Variants in CENPN observed in about 807,000 individuals in gnomAD.
CENPN encodes the protein interphase centromere complex protein 32.
Under a neutral mutation model 48.6 loss-of-function variants are expected in CENPN, and 36 were observed. That is an observed-to-expected ratio of 0.74 (90% CI 0.57 to 0.98). CENPN has a LOEUF of 0.98. Among genes scored for constraint, CENPN ranks in the 50% least tolerant of loss-of-function variants. The pLI is 0.00. For missense variants in CENPN, 439 were observed against 399.2 expected, an observed-to-expected ratio of 1.10 and a Z score of -0.85; for synonymous variants, 166 against 135.2, an observed-to-expected ratio of 1.23 and a Z score of -1.58.
rs922246675 is a variant in CENPN, at chr16:81,026,093, A to G, written c.698-433A>G. Among the ~76,000 whole-genome samples, 602 of 81,060 alleles carry G rather than the reference A, an allele frequency of 7.4e-3. 8 individuals carry two copies. The highest frequency in any genetic ancestry group is 0.058 in the Middle Eastern group (6 of 104). The allele number at this position is 81,060 out of a possible 152,430, so 53.2% of individuals were successfully genotyped here. A position where few individuals can be genotyped will look rare whatever the true frequency, so the allele number is the denominator to read the frequency against. On this transcript the variant is annotated intron_variant, in intron 8 of 10. Transcript: ENST00000305850. ...TATGTGTGTGTGTGTGTGTGTGTAT[A>G]TATATGTGTGTGTATATATATATGT...
chr16:81,011,334 T>A (rs1787920194), intron 1 of CENPN, among the ~76,000 whole-genome samples: 1 of 152,220 alleles, frequency 6.6e-6, no homozygotes, highest in African/African-American at 2.4e-5. Flanking sequence ...CACTCCTCAC[T>A]TTTAACATAG....
At chr16:81,025,257 C>G (rs1970411409) in intron 8 of CENPN, among the ~76,000 whole-genome samples, 1 of 152,150 alleles carries the variant, frequency 6.6e-6, no homozygotes, top group Admixed American at 6.6e-5. Flanking sequence ...ACTTCTAGAA[C>G]AATGAGAATC....
intron 8 of CENPN, 143 bp from the exon 9 acceptor site, chr16:81,026,383 A>C (rs985059236): frequency 9.9e-6 from 4 of 402,968 alleles, no homozygotes; most frequent in African/African-American, 8.3e-5. Flanking sequence ...CTACACTAAG[A>C]AATTATTACA....
intron 6 of CENPN, 170 bp from the exon 7 acceptor site, chr16:81,022,427 C>T (rs1970257879): frequency 1.7e-6 from 1 of 599,294 alleles, no homozygotes. Flanking sequence ...ATGCCATTAA[C>T]CACTTTGTTT....
intron 1 of CENPN, among the ~76,000 whole-genome samples, chr16:81,009,976 A>T (rs1969675536): frequency 6.6e-6 from 1 of 152,228 alleles, no homozygotes; most frequent in African/African-American, 2.4e-5. Flanking sequence ...AGGAGGGCAG[A>T]TCACTTGAGG....
At chr16:81,024,565 TCAACTCAGC>T (rs71272432) in intron 7 of CENPN, 141 bp from the exon 8 acceptor site, 5 of 505,398 alleles carry the variant, frequency 9.9e-6, no homozygotes, top group South Asian at 6.8e-5. Context: ...AGTGTCCTGC[TCAACTCAGC>T]CAACTCAGCC....
chr16:81,022,813 C>G, intron 7 of CENPN, 115 bp downstream of exon 7: 1 of 1,613,668 alleles, frequency 6.2e-7, no homozygotes, highest in Non-Finnish European at 8.5e-7. Flanking sequence ...TTAGATATTA[C>G]CGAAATGAAG....
At position 81,020,290 on chromosome 16, in the gene CENPN, T is replaced by G; in HGVS notation, c.531+14T>G. 1 of 1,604,320 alleles carries G rather than the reference T, an allele frequency of 6.2e-7. No individual in the cohort carries two copies. The highest frequency in any genetic ancestry group is 1.3e-5 in the African/African-American group (1 of 74,454). On this transcript the variant is annotated intron_variant, in intron 6 of 10. Transcript: ENST00000305850. ...CTTCTGGGTCAGGTATGGAAAAAAT[T>G]ATTACAAGCTATAATATTTTATTAT...
chr16:81,009,233 C>G (rs571200181), intron 1 of CENPN, among the ~76,000 whole-genome samples: 1 of 152,254 alleles, frequency 6.6e-6, no homozygotes, highest in South Asian at 2.1e-4. Flanking sequence ...AGGAAAAAAA[C>G]AATTAGCAGT....
At chr16:81,015,988 C>T (rs754460526) in intron 3 of CENPN, among the ~76,000 whole-genome samples, 3 of 150,178 alleles carry the variant, frequency 2.0e-5, no homozygotes, top group Non-Finnish European at 4.4e-5. Context: ...CTGGCGACAC[C>T]GTGAGACTCT....
intron 1 of CENPN, among the ~76,000 whole-genome samples, chr16:81,008,975 G>A (rs1597303152): frequency 6.6e-6 from 1 of 152,370 alleles, no homozygotes; most frequent in Non-Finnish European, 1.5e-5. Context: ...GGGAGGCCGA[G>A]GCGGGAGGAT....
chr16:81,023,252 C>G lies in CENPN; in HGVS notation c.633+554C>G, dbSNP rs191627465. 3 of 233,198 alleles carry G rather than the reference C, an allele frequency of 1.3e-5. No individual in the cohort carries two copies. The South Asian group carries it at 1.7e-4, about 13-fold the overall frequency. The allele number at this position is 233,198 out of a possible 1,614,324, so 14.4% of individuals were successfully genotyped here. A position where few individuals can be genotyped will look rare whatever the true frequency, so the allele number is the denominator to read the frequency against. On this transcript the variant is annotated intron_variant, in intron 7 of 10. Coordinates refer to ENST00000305850, the MANE Select transcript of CENPN (RefSeq NM_001100624.3). ...GCAGATGTCTGCATATGTGTTGACA[C>G]TCCTGTGAGTGGATTGTTAATGCTC...
chr16:81,031,523 A>G (rs185023350), downstream of CENPN: 1 of 152,248 alleles, frequency 6.6e-6, no homozygotes, highest in Admixed American at 6.5e-5. Flanking sequence ...ATGACATTAA[A>G]TGGTGTCAGA....
downstream of CENPN, among the ~76,000 whole-genome samples, chr16:81,032,285 T>A (rs531858663): frequency 6.2e-4 from 95 of 152,318 alleles, no homozygotes; most frequent in Middle Eastern, 3.4e-3. Context: ...CCCCTCAGGC[T>A]CATTCAGATT....
At chr16:81,032,893 C>G (rs1475365281), downstream of CENPN, 2 of 495,052 alleles carry the variant, frequency 4.0e-6, no homozygotes, top group East Asian at 3.4e-5. Context: ...ACTCTAGACA[C>G]AGGTGCTTCT....
Position 81,029,302 on chromosome 16 carries a change from CAAA to C in CENPN, c.*655_*657del, listed in dbSNP as rs1008574992. On this transcript the variant is annotated 3_prime_UTR_variant, in exon 11 of 11. Coordinates refer to ENST00000305850, the MANE Select transcript of CENPN (RefSeq NM_001100624.3). ...TATATTGACTTATGAATAAAGGTGT[CAAA>C]AAACTGGCACATCAGTTAATTTTGA... The C allele has an allele frequency of 8.5e-6, 8 of 939,966 alleles. No individual in the cohort carries two copies. The African/African-American group carries it at 1.2e-4, about 15-fold the overall frequency. The allele number at this position is 939,966 out of a possible 1,614,324, so 58.2% of individuals were successfully genotyped here.
At chr16:81,027,260 G>A (rs996416199) in intron 9 of CENPN, among the ~76,000 whole-genome samples, 8 of 152,130 alleles carry the variant, frequency 5.3e-5, no homozygotes, top group African/African-American at 1.9e-4. Context: ...GGAGGCTGAG[G>A]CGGGCGGATC....
At chr16:81,013,000 ATATT>A (rs1165641474) in intron 2 of CENPN, among the ~76,000 whole-genome samples, 1 of 152,224 alleles carries the variant, frequency 6.6e-6, no homozygotes, top group African/African-American at 2.4e-5. Context: ...ATATTGATAA[ATATT>A]TAGTTATATA....
chr16:81,009,676 CT>C (rs911517093), intron 1 of CENPN, among the ~76,000 whole-genome samples: 2 of 152,312 alleles, frequency 1.3e-5, no homozygotes, highest in South Asian at 2.1e-4. Context: ...TCAACTATTT[CT>C]TTTCAGAAGT....
Sources: gnomAD v4.1 joint callset for allele counts (sites outside exome capture counted in the v4.1 genomes callset) on GRCh38, gnomAD v4.1.1 for gene constraint, MANE v1.5 for transcripts, NCBI Gene and HGNC (gene_info 2026-07-23, HGNC 2026-07-21) for gene names.